SMC5: variants seen among roughly 807,000 people sequenced by gnomAD.
SMC5 encodes the protein structural maintenance of chromosomes 5.
SMC5 carries 88 observed loss-of-function variants against 148.3 expected under a neutral mutation model. The ratio of observed to expected loss-of-function variants is 0.59; its 90% CI spans 0.50 to 0.71. The LOEUF (loss-of-function observed/expected upper bound fraction) is 0.71. Among genes scored for constraint, SMC5 ranks in the 30% least tolerant of loss-of-function variants. The pLI is 0.00. For missense variants in SMC5, 1,142 were observed against 1,298.9 expected, an observed-to-expected ratio of 0.88 and a Z score of 1.86; for synonymous variants, 421 against 432.8, an observed-to-expected ratio of 0.97 and a Z score of 0.34.
chr9:70,302,776 G>C (rs1191930761), intron 10 of SMC5, among the ~76,000 whole-genome samples: 1 of 152,196 alleles, frequency 6.6e-6, no homozygotes, highest in Non-Finnish European at 1.5e-5. Flanking sequence ...GTGTAAATAA[G>C]TCACTACTGG....
intron 18 of SMC5, among the ~76,000 whole-genome samples, chr9:70,345,279 C>T (rs1184233520): frequency 1.3e-5 from 2 of 151,640 alleles, no homozygotes; most frequent in African/African-American, 4.8e-5. Flanking sequence ...TATTAATTAC[C>T]TCTTATATGT....
intron 11 of SMC5, among the ~76,000 whole-genome samples, chr9:70,312,398 C>T (rs953835879): frequency 1.3e-5 from 2 of 152,150 alleles, no homozygotes; most frequent in Non-Finnish European, 2.9e-5. Flanking sequence ...CCAGTCACCT[C>T]CCACCAGGTC....
intron 8 of SMC5, among the ~76,000 whole-genome samples, chr9:70,288,623 T>C (rs1351041022): frequency 2.0e-5 from 3 of 152,138 alleles, no homozygotes; most frequent in African/African-American, 7.2e-5. Flanking sequence ...ATCATTTGGC[T>C]ACATCTCACG....
intron 8 of SMC5, 28 bp downstream of exon 8, chr9:70,286,299 A>T: frequency 7.0e-7 from 1 of 1,431,164 alleles, no homozygotes. Flanking sequence ...AATTTTTATT[A>T]CATTAAAGTT....
intron 11 of SMC5, among the ~76,000 whole-genome samples, chr9:70,310,536 A>G (rs74668837): frequency 5.1e-4 from 78 of 152,344 alleles, no homozygotes; most frequent in African/African-American, 1.8e-3. Context: ...TAGATTTAGC[A>G]TAATTCTAAA....
intron 17 of SMC5, among the ~76,000 whole-genome samples, chr9:70,334,134 T>G (rs1051999405): frequency 8.6e-5 from 13 of 151,450 alleles, no homozygotes; most frequent in African/African-American, 2.2e-4. Flanking sequence ...TTGTTGTTTT[T>G]TTTTTTTTTT....
intron 21 of SMC5, 38 bp downstream of exon 21, chr9:70,347,755 A>C: frequency 7.5e-7 from 1 of 1,339,478 alleles, no homozygotes. Flanking sequence ...TCATGTGATT[A>C]TTAATGAAAT....
At chr9:70,274,850 A>G (rs990604132) in intron 3 of SMC5, among the ~76,000 whole-genome samples, 1 of 152,082 alleles carries the variant, frequency 6.6e-6, no homozygotes, top group African/African-American at 2.4e-5. Context: ...TTTGTTCTTA[A>G]TAACTTCTCT....
chr9:70,275,798 G>T (rs1180112), intron 3 of SMC5, among the ~76,000 whole-genome samples: 1 of 151,564 alleles, frequency 6.6e-6, no homozygotes, highest in East Asian at 1.9e-4. Flanking sequence ...TTAAACCTAC[G>T]GTTTGGTGTC....
At chr9:70,351,589 C>A (rs1349929288) in intron 24 of SMC5, among the ~76,000 whole-genome samples, 4 of 152,060 alleles carry the variant, frequency 2.6e-5, no homozygotes, top group Admixed American at 2.6e-4. Context: ...AGTATCTACC[C>A]TAGGAAAATT....
rs150785894 is a variant in SMC5, at chr9:70,286,251, A to G, written c.1033A>G (p.Ile345Val). The change falls in exon 8 of 25, where the codon ATA becomes GTA. Residue 345 changes from isoleucine to valine, a missense_variant. Around this residue, in one of 5 missense-constraint regions of SMC5, gnomAD observed 743 missense variants for 835.7 expected, o/e 0.89. Coordinates refer to ENST00000361138, the MANE Select transcript of SMC5 (RefSeq NM_015110.4). Reference protein sequence around the residue: ...SQKCKQKQDVIERKDKHIEEL... With the variant: ...SQKCKQKQDVVERKDKHIEEL... ...AAAATGCAAACAGAAGCAAGATGTT[A>G]TAGAAAGGAAAGATAAACATGTAAG... 43 of 1,578,004 alleles carry G rather than the reference A, an allele frequency of 2.7e-5. No homozygotes were observed. The highest frequency in any genetic ancestry group is 3.5e-5 in the Non-Finnish European group (41 of 1,158,358).
chr9:70,308,167 C>T (rs185956450), intron 11 of SMC5, among the ~76,000 whole-genome samples: 24 of 152,234 alleles, frequency 1.6e-4, no homozygotes, highest in African/African-American at 5.3e-4. Context: ...CTTACAATTG[C>T]AGTCCAGCTT....
rs2035807330 is a variant in SMC5, at chr9:70,316,512, T to C, written c.1806+934T>C. 2.6e-5 allele frequency among the ~76,000 whole-genome samples: 4 copies of C among 152,004 alleles called. No homozygotes were observed. In the South Asian group the frequency reaches 6.2e-4, roughly 24 times the overall value. On this transcript the variant is annotated intron_variant, in intron 13 of 24. Coordinates refer to ENST00000361138, the MANE Select transcript of SMC5 (RefSeq NM_015110.4). ...GGTAATCATTTGGGAAAACCAAAAG[T>C]AGAAGTCTCTATGTGGGTATACTAC...
intron 8 of SMC5, among the ~76,000 whole-genome samples, chr9:70,295,208 G>A (rs969848816): frequency 2.8e-4 from 43 of 151,986 alleles, no homozygotes; most frequent in African/African-American, 9.6e-4. Flanking sequence ...GCTCACACCT[G>A]TAATCCCAGC....
At chr9:70,318,248 C>T (rs550743090) in intron 13 of SMC5, among the ~76,000 whole-genome samples, 52 of 152,026 alleles carry the variant, frequency 3.4e-4, no homozygotes, top group African/African-American at 1.2e-3. Flanking sequence ...ATTAACCAGG[C>T]GTGGTGGCAC....
intron 17 of SMC5, among the ~76,000 whole-genome samples, chr9:70,326,537 A>G (rs1049614903): frequency 1.3e-5 from 2 of 152,040 alleles, no homozygotes; most frequent in Non-Finnish European, 2.9e-5. Flanking sequence ...AGGATCAGGG[A>G]AAGTGATTAC....
intron 3 of SMC5, among the ~76,000 whole-genome samples, chr9:70,268,466 A>C (rs1221718819): frequency 6.6e-6 from 1 of 152,044 alleles, no homozygotes; most frequent in African/African-American, 2.4e-5. Context: ...CCCCCCCAAA[A>C]AAAAAACTTG....
chr9:70,285,962 AAG>A (rs2034888482), intron 7 of SMC5, among the ~76,000 whole-genome samples: 1 of 152,214 alleles, frequency 6.6e-6, no homozygotes, highest in South Asian at 2.1e-4. Flanking sequence ...ATAAGACAGG[AAG>A]ATAAATGTAA....
intron 8 of SMC5, among the ~76,000 whole-genome samples, chr9:70,294,836 T>C (rs1375485472): frequency 6.6e-6 from 1 of 152,118 alleles, no homozygotes; most frequent in Non-Finnish European, 1.5e-5. Flanking sequence ...TCTGTAGATA[T>C]GTTTAAGTCA....
Sources: allele counts gnomAD v4.1 joint callset (sites outside exome capture counted in the v4.1 genomes callset), GRCh38; gene constraint gnomAD v4.1.1; regional missense constraint gnomAD v4.1.1; transcripts MANE v1.5; gene names NCBI Gene and HGNC (gene_info 2026-07-23, HGNC 2026-07-21).